ABCA13: variants seen among roughly 807,000 people sequenced by gnomAD.
ABCA13 encodes ATP binding cassette subfamily A member 13.
In ABCA13, 476 loss-of-function variants were observed where a neutral mutation model predicts 478.7. That is an observed-to-expected ratio of 0.99 (90% CI 0.92 to 1.07). The LOEUF (loss-of-function observed/expected upper bound fraction) is 1.07. Ranked by LOEUF, ABCA13 falls within the 50% of genes least tolerant of loss-of-function variation. ABCA13 has a pLI of 0.00. For synonymous variants in ABCA13, 2,252 were observed against 2,158.9 expected (o/e 1.04, Z -1.20); for missense variants, 6,060 against 5,910.6 (o/e 1.03, Z -0.83).
At position 48,352,349 on chromosome 7, in the gene ABCA13, G is replaced by C. The variant is rs1465407986; in HGVS notation, c.10550G>C (p.Gly3517Ala). Residue 3517 changes from glycine to alanine, a missense_variant, in exon 31 of 62, where the codon GGG becomes GCG. Physicochemically the swap from Gly to Ala is moderately conservative, Grantham distance 60. Coordinates refer to ENST00000435803, the MANE Select transcript of ABCA13 (RefSeq NM_152701.5). ...KFHPQNLPAD[G>A]FKYNYVFAPL... ...CACCCTCAGAATCTACCAGCTGATG[G>C]GTTCAAATATAACTACGTCTTTGCC... 1.9e-6 allele frequency: 3 copies of C among 1,613,606 alleles called. No individual in the cohort carries two copies. Among genetic ancestry groups the C allele is most frequent in the South Asian group, 2.2e-5 (2 of 91,084 alleles).
At chr7:48,550,509 T>A (rs1234782838) in intron 55 of ABCA13, among the ~76,000 whole-genome samples, 1 of 151,430 alleles carries the variant, frequency 6.6e-6, no homozygotes, top group Non-Finnish European at 1.5e-5. Flanking sequence ...CCGCCCCCCC[T>A]CAGCCTCCCA....
intron 31 of ABCA13, among the ~76,000 whole-genome samples, chr7:48,358,147 A>G (rs1282616305): frequency 6.7e-6 from 1 of 149,042 alleles, no homozygotes; most frequent in Admixed American, 6.7e-5. Context: ...GTCTCAAAGA[A>G]AAGAAAAGAA....
At chr7:48,354,494 G>C (rs916651462) in intron 31 of ABCA13, among the ~76,000 whole-genome samples, 2 of 151,956 alleles carry the variant, frequency 1.3e-5, no homozygotes, top group Admixed American at 6.5e-5. Flanking sequence ...AGGAATTGAG[G>C]GACATGGATG....
intron 15 of ABCA13, among the ~76,000 whole-genome samples, chr7:48,261,841 A>T (rs553352158): frequency 1.7e-3 from 260 of 151,980 alleles, no homozygotes; most frequent in Non-Finnish European, 3.2e-3. Flanking sequence ...CTGTTCATTC[A>T]TATTTAAAAA....
intron 23 of ABCA13, among the ~76,000 whole-genome samples, chr7:48,308,817 T>C (rs1037859145): frequency 2.6e-5 from 4 of 151,242 alleles, no homozygotes; most frequent in African/African-American, 9.8e-5. Flanking sequence ...ACACAAATAC[T>C]TACCACTGTG....
intron 29 of ABCA13, 56 bp downstream of exon 29, chr7:48,338,511 G>A: frequency 7.0e-7 from 1 of 1,418,546 alleles, no homozygotes; most frequent in Non-Finnish European, 9.6e-7. Flanking sequence ...TCTGCCACTT[G>A]GGTGGGTCCT....
intron 58 of ABCA13, among the ~76,000 whole-genome samples, chr7:48,598,891 CT>C (rs1790580851): frequency 6.6e-6 from 1 of 151,938 alleles, no homozygotes; most frequent in African/African-American, 2.4e-5. Flanking sequence ...TATAAATTCA[CT>C]TTTATGCATG....
intron 1 of ABCA13, among the ~76,000 whole-genome samples, chr7:48,173,009 AGGCAC>A: frequency 6.6e-6 from 1 of 152,170 alleles, no homozygotes; most frequent in East Asian, 1.9e-4. Context: ...GTTGGTTCCC[AGGCAC>A]TGCTCTTTCT....
intron 7 of ABCA13, 124 bp downstream of exon 7, chr7:48,230,079 T>A: frequency 8.0e-7 from 1 of 1,242,416 alleles, no homozygotes; most frequent in Non-Finnish European, 1.1e-6. Flanking sequence ...TTCAAAAAAG[T>A]ATGAATTGTT....
At chr7:48,375,391 G>C (rs1585064879) in intron 34 of ABCA13, among the ~76,000 whole-genome samples, 1 of 151,980 alleles carries the variant, frequency 6.6e-6, no homozygotes, top group East Asian at 1.9e-4. Flanking sequence ...ATATTTGTTG[G>C]CTCTCATCTT....
At chr7:48,599,904 G>A (rs934725262) in intron 58 of ABCA13, among the ~76,000 whole-genome samples, 11 of 123,818 alleles carry the variant, frequency 8.9e-5, no homozygotes, top group Admixed American at 1.8e-4. Flanking sequence ...GTAGTTGGAT[G>A]GAATATTGTA....
chr7:48,441,137 A>G (rs982864023), intron 42 of ABCA13, among the ~76,000 whole-genome samples: 1 of 152,200 alleles, frequency 6.6e-6, no homozygotes, highest in African/African-American at 2.4e-5. Flanking sequence ...ATAAAACTCC[A>G]CATGAGGCCT....
chr7:48,249,049 C>G (rs147222188), intron 14 of ABCA13, among the ~76,000 whole-genome samples, 163 bp from the exon 15 acceptor site: 78 of 151,986 alleles, frequency 5.1e-4, no homozygotes, highest in African/African-American at 1.8e-3. Context: ...AGTTTGTAAA[C>G]AAACTTAAAA....
intron 56 of ABCA13, 80 bp from the exon 57 acceptor site, chr7:48,587,074 C>T (rs1789257630): frequency 6.3e-7 from 1 of 1,576,124 alleles, no homozygotes; most frequent in Non-Finnish European, 8.6e-7. Context: ...GAGGTAGAAG[C>T]AGGAATGAGG....
In ABCA13 at chr7:48,273,045, A is replaced by T. The variant is rs1795834226; in HGVS notation, c.3379A>T (p.Ile1127Phe). Residue 1127 changes from isoleucine to phenylalanine, a missense_variant, in exon 17 of 62, where the codon ATT becomes TTT. By Grantham distance (21) the Ile-to-Phe change is conservative (BLOSUM62 0). Around this residue, in one of 3 missense-constraint regions of ABCA13, gnomAD observed 4,423 missense variants for 4,309.1 expected, o/e 1.03. Coordinates refer to ENST00000435803, the MANE Select transcript of ABCA13 (RefSeq NM_152701.5). Reference protein sequence around the residue: ...ESSFVFPLAQIFSNLSANVSV... With the variant: ...ESSFVFPLAQFFSNLSANVSV... Reference sequence around the variant, plus strand: ...TTCATTTGTTTTTCCATTGGCACAAATTTTTTCAAACCTCTCAGCAAATGT... The same window carrying T: ...TTCATTTGTTTTTCCATTGGCACAATTTTTTTCAAACCTCTCAGCAAATGT... 1 of 1,613,414 alleles carries T rather than the reference A, an allele frequency of 6.2e-7. No homozygotes were observed. Among genetic ancestry groups the T allele is most frequent in the Non-Finnish European group, 8.5e-7 (1 of 1,179,726 alleles).
chr7:48,494,485 C>A (rs1181506176), intron 48 of ABCA13, among the ~76,000 whole-genome samples: 1 of 152,076 alleles, frequency 6.6e-6, no homozygotes, highest in Non-Finnish European at 1.5e-5. Context: ...TAAAGGGGCA[C>A]CCTGGTAAGG....
intron 42 of ABCA13, among the ~76,000 whole-genome samples, chr7:48,450,767 T>C (rs1824903078): frequency 6.6e-6 from 1 of 152,106 alleles, no homozygotes; most frequent in Non-Finnish European, 1.5e-5. Flanking sequence ...CTGAGTCACC[T>C]TTCATGTTCA....
intron 55 of ABCA13, among the ~76,000 whole-genome samples, chr7:48,540,455 C>T (rs1833876418): frequency 6.6e-6 from 1 of 152,092 alleles, no homozygotes; most frequent in Non-Finnish European, 1.5e-5. Context: ...ATCATGCTTG[C>T]ATTAATTATA....
At chr7:48,397,371 G>T (rs911320662) in intron 38 of ABCA13, among the ~76,000 whole-genome samples, 4 of 151,630 alleles carry the variant, frequency 2.6e-5, no homozygotes, top group East Asian at 3.9e-4. Flanking sequence ...CAAATGAATG[G>T]TTTTTTTCTT....
Sources: gnomAD v4.1 joint callset for allele counts (sites outside exome capture counted in the v4.1 genomes callset) on GRCh38, gnomAD v4.1.1 for gene constraint, gnomAD v4.1.1 regional missense constraint, MANE v1.5 for transcripts, NCBI Gene and HGNC (gene_info 2026-07-23, HGNC 2026-07-21) for gene names.